Variants in CHST15 observed in about 807,000 individuals in gnomAD.
The protein encoded by CHST15 is B cell RAG associated protein (GALNAC4S-6ST).
In CHST15, 30 loss-of-function variants were observed where a neutral mutation model predicts 53.6. The observed-to-expected ratio is 0.56, with a 90% confidence interval of 0.42 to 0.76. The LOEUF is 0.76. CHST15 is among the 30% of genes least tolerant of loss of function. The pLI, the probability that CHST15 is intolerant of heterozygous loss-of-function variation, is 0.00. For synonymous variants in CHST15, 296 were observed against 289.8 expected, an observed-to-expected ratio of 1.02 and a Z score of -0.22; for missense variants, 627 against 740.5, an observed-to-expected ratio of 0.85 and a Z score of 1.78.
intron 5 of CHST15, among the ~76,000 whole-genome samples, chr10:124,035,501 C>A (rs1442514569): frequency 6.6e-6 from 1 of 151,268 alleles, no homozygotes; most frequent in African/African-American, 2.4e-5. Context: ...TGATAGGTAC[C>A]CTGGCTTCAT....
chr10:124,045,134 A>C (rs1445526925), intron 2 of CHST15, among the ~76,000 whole-genome samples: 19 of 147,542 alleles, frequency 1.3e-4, no homozygotes, highest in African/African-American at 2.6e-4. Flanking sequence ...AAAAAAAAAA[A>C]AAAAAAAAAA....
At chr10:124,079,942 G>A (rs1019841007) in intron 1 of CHST15, among the ~76,000 whole-genome samples, 5 of 152,094 alleles carry the variant, frequency 3.3e-5, no homozygotes, top group African/African-American at 9.7e-5. Flanking sequence ...GTCCTATTTC[G>A]GTCTTGTTTT....
intron 5 of CHST15, among the ~76,000 whole-genome samples, chr10:124,037,596 C>A (rs1438204940): frequency 1.3e-5 from 2 of 152,148 alleles, no homozygotes; most frequent in East Asian, 3.9e-4. Context: ...ATTTTCAGGT[C>A]CTGGCAGCCC....
At position 124,044,736 on chromosome 10, in the gene CHST15, G is replaced by A; in HGVS notation, c.730C>T (p.His244Tyr). ...CAGCGCAGGCGGAAGTGCTTCCCGTGCGCGTGCGCCAGGTGGCCCCAGAAG... is the reference window on the plus strand; with the variant it reads ...CAGCGCAGGCGGAAGTGCTTCCCGTACGCGTGCGCCAGGTGGCCCCAGAAG... ...KAFWGHLAHA[H>Y]GKHFRLRCLP... Residue 244 changes from histidine to tyrosine, a missense_variant, in exon 3 of 8, where the codon CAC becomes TAC. This residue lies in a region of CHST15 where 161 missense variants were observed against 117.2 expected (regional missense o/e 1.37). Coordinates refer to ENST00000435907, the MANE Select transcript of CHST15 (RefSeq NM_001270764.2). The A allele has an allele frequency of 6.2e-7, 1 of 1,613,588 alleles. No individual in the cohort carries two copies. The highest frequency in any genetic ancestry group is 8.5e-7 in the Non-Finnish European group (1 of 1,179,808).
chr10:124,032,231 C>T (rs1179846268), intron 5 of CHST15, among the ~76,000 whole-genome samples: 1 of 152,194 alleles, frequency 6.6e-6, no homozygotes. Context: ...GGGTCAAAAT[C>T]GAGTTTGAAT....
chr10:124,048,208 G>A lies in CHST15; in HGVS notation c.-512-1484C>T, dbSNP rs959526604. Among the ~76,000 whole-genome samples the A allele has an allele frequency of 1.2e-4, 18 of 152,216 alleles. 1 individual carries two copies. Among genetic ancestry groups the A allele is most frequent in the Admixed American group, 1.1e-3 (17 of 15,280 alleles). ...AAATTATTTGGAGAAAATGTGGAAT[G>A]GACAAAATTACACAGAATTCTTTAC... On this transcript the variant is annotated intron_variant, in intron 1 of 7. Transcript: ENST00000435907.
At chr10:124,038,052 C>G (rs568416335) in intron 5 of CHST15, among the ~76,000 whole-genome samples, 1 of 152,040 alleles carries the variant, frequency 6.6e-6, no homozygotes, top group East Asian at 1.9e-4. Context: ...ATAACACTTA[C>G]GTAAGAAACA....
intron 6 of CHST15, among the ~76,000 whole-genome samples, chr10:124,018,817 G>T (rs1223357506): frequency 6.6e-6 from 1 of 152,170 alleles, no homozygotes; most frequent in African/African-American, 2.4e-5. Flanking sequence ...GCAGGTGGAG[G>T]TTACAATGAA....
At chr10:124,070,545 A>G (rs1312858130) in intron 1 of CHST15, among the ~76,000 whole-genome samples, 2 of 150,242 alleles carry the variant, frequency 1.3e-5, no homozygotes, top group Non-Finnish European at 3.0e-5. Context: ...TGCTCAGCTG[A>G]TTTTTTTTTT....
intron 5 of CHST15, among the ~76,000 whole-genome samples, chr10:124,030,563 C>T (rs897553358): frequency 2.6e-5 from 4 of 152,168 alleles, no homozygotes; most frequent in Non-Finnish European, 5.9e-5. Flanking sequence ...CTCCTCATTC[C>T]GTCTCTTCTC....
At chr10:124,020,956 T>G in intron 6 of CHST15, 1 of 1,392,534 alleles carries the variant, frequency 7.2e-7, no homozygotes, top group Non-Finnish European at 9.3e-7. Flanking sequence ...GTCTGCCGAT[T>G]CTAATTGCTG....
At chr10:124,020,394 C>T (rs1261798995) in intron 6 of CHST15, 12 of 985,400 alleles carry the variant, frequency 1.2e-5, no homozygotes, top group East Asian at 1.1e-4. Flanking sequence ...CCTGTGGCAT[C>T]TTCCTTGCCA....
chr10:124,076,911 G>A (rs1334797460), intron 1 of CHST15, among the ~76,000 whole-genome samples: 3 of 151,870 alleles, frequency 2.0e-5, no homozygotes, highest in Admixed American at 1.3e-4. Context: ...GGGTTTCACC[G>A]TGTTAGCCAG....
intron 6 of CHST15, among the ~76,000 whole-genome samples, chr10:124,012,698 C>T (rs563643462): frequency 5.9e-5 from 9 of 152,326 alleles, no homozygotes; most frequent in African/African-American, 2.2e-4. Context: ...TGCATTTCAT[C>T]CTCACAACAC....
intron 5 of CHST15, among the ~76,000 whole-genome samples, chr10:124,035,861 C>G (rs1006558058): frequency 6.6e-6 from 1 of 152,234 alleles, no homozygotes; most frequent in Non-Finnish European, 1.5e-5. Context: ...TCACCTCCTA[C>G]TCTGCAGAAC....
rs28442585 is a variant in CHST15 at position 124,045,124 on chromosome 10, A to C, written c.547-205T>G. On this transcript the variant is annotated intron_variant, in intron 2 of 7. Transcript: ENST00000435907. ...CCCCGCCGCCCCACAAAAAAAAAAA[A>C]AAAAAAAAAAAAAAAAAAAACTTGG... 6.2e-3 allele frequency among the ~76,000 whole-genome samples: 471 copies of C among 76,096 alleles called. 5 individuals are homozygous for C. The highest frequency in any genetic ancestry group is 0.018 in the South Asian group (36 of 2,054). The allele number at this position is 76,096 out of a possible 152,430, so 49.9% of individuals were successfully genotyped here.
chr10:124,062,623 G>C (rs1419140485), intron 1 of CHST15, among the ~76,000 whole-genome samples: 2 of 152,062 alleles, frequency 1.3e-5, no homozygotes, highest in Admixed American at 6.5e-5. Flanking sequence ...ACCACCACCA[G>C]CAGCCTCATT....
chr10:124,076,961 AGCCTCC>A (rs1949094582), intron 1 of CHST15, among the ~76,000 whole-genome samples: 2 of 152,336 alleles, frequency 1.3e-5, no homozygotes, highest in Middle Eastern at 3.4e-3. Context: ...CACCTGCCTC[AGCCTCC>A]CAAAGTGTTG....
intron 5 of CHST15, among the ~76,000 whole-genome samples, chr10:124,025,482 C>T (rs914564649): frequency 6.6e-6 from 1 of 152,182 alleles, no homozygotes; most frequent in Non-Finnish European, 1.5e-5. Context: ...GGGAGCCCCT[C>T]GAACCCCACT....
Sources: gnomAD v4.1 joint callset for allele counts (sites outside exome capture counted in the v4.1 genomes callset) on GRCh38, gnomAD v4.1.1 for gene constraint, gnomAD v4.1.1 regional missense constraint, MANE v1.5 for transcripts, NCBI Gene and HGNC (gene_info 2026-07-23, HGNC 2026-07-21) for gene names.